POGLUT3: variants seen among roughly 807,000 people sequenced by gnomAD.
The protein encoded by POGLUT3 is protein O-glucosyltransferase 3.
Under a neutral mutation model 54.3 loss-of-function variants are expected in POGLUT3, and 48 were observed. The observed-to-expected ratio is 0.88, with a 90% CI of 0.70 to 1.12. The LOEUF is 1.12. Ranked by LOEUF, POGLUT3 falls within the 50% of genes most tolerant of loss-of-function variation. The pLI, the probability that POGLUT3 is intolerant of heterozygous loss-of-function variation, is 0.00. For synonymous variants in POGLUT3, 218 were observed against 237.4 expected, an observed-to-expected ratio of 0.92 and a Z score of 0.75; for missense variants, 629 against 618.7, an observed-to-expected ratio of 1.02 and a Z score of -0.18.
intron 7 of POGLUT3, among the ~76,000 whole-genome samples, chr11:108,475,590 C>T (rs2093580245): frequency 6.6e-6 from 1 of 151,150 alleles, no homozygotes; most frequent in East Asian, 2.0e-4. Context: ...ACCTCAGTCT[C>T]CTAAGTAGCT....
intron 3 of POGLUT3, among the ~76,000 whole-genome samples, chr11:108,484,334 C>G (rs1020039678): frequency 5.3e-5 from 8 of 152,160 alleles, no homozygotes; most frequent in Non-Finnish European, 1.0e-4. Flanking sequence ...ATGCCCATCA[C>G]ATGCTTGTAT....
In POGLUT3 at chr11:108,474,645, C is replaced by T. The variant is rs1263062605; in HGVS notation, c.*182G>A. The stretch of plus-strand genomic sequence containing the variant: ...TAAAAAATCTGAAGCCTGAAACACT[C>T]CTGGTCCTAAGCATTTCAGATGAGG... On this transcript the variant is annotated 3_prime_UTR_variant, in exon 8 of 8. Coordinates refer to ENST00000323468, the MANE Select transcript of POGLUT3 (RefSeq NM_153705.5). 6.0e-6 allele frequency: 3 copies of T among 503,224 alleles called. No homozygotes were observed. Among genetic ancestry groups the T allele is most frequent in the Non-Finnish European group, 6.8e-6 (2 of 296,238 alleles). The allele number at this position is 503,224 out of a possible 1,614,324, so 31.2% of individuals were successfully genotyped here.
chr11:108,479,190 TAA>T (rs2093587729), intron 6 of POGLUT3, 109 bp downstream of exon 6: 1 of 739,718 alleles, frequency 1.4e-6, no homozygotes, highest in East Asian at 3.2e-5. Context: ...TTTCAGAAAA[TAA>T]TATTTCTTTT....
chr11:108,487,347 T>C (rs190638748), intron 2 of POGLUT3, among the ~76,000 whole-genome samples: 54 of 152,210 alleles, frequency 3.5e-4, no homozygotes, highest in African/African-American at 1.3e-3. Context: ...TGAGCACAGG[T>C]TCTCAGGATG....
Position 108,477,632 on chromosome 11 carries a change from T to C in POGLUT3, c.1373A>G (p.Tyr458Cys), listed in dbSNP as rs1565745352. The C allele has an allele frequency of 6.2e-7, 1 of 1,612,192 alleles. No individual in the cohort carries two copies. Reference sequence around the variant, plus strand: ...CTGCAGTACTTGGTAATAGTAGCAGTAAAGCCTGTGTGGCTGTAGTAGGTC... The same window carrying C: ...CTGCAGTACTTGGTAATAGTAGCAGCAAAGCCTGTGTGGCTGTAGTAGGTC... ...ARDLLQPHRLYCYYYQVLQKY... is the reference protein window; with the variant it reads ...ARDLLQPHRLCCYYYQVLQKY... Residue 458 changes from tyrosine to cysteine, a missense_variant, in exon 7 of 8, where the codon TAC becomes TGC. Coordinates refer to ENST00000323468, the MANE Select transcript of POGLUT3 (RefSeq NM_153705.5).
At chr11:108,486,568 G>T in intron 2 of POGLUT3, 128 bp from the exon 3 acceptor site, 1 of 887,372 alleles carries the variant, frequency 1.1e-6, no homozygotes, top group Non-Finnish European at 1.7e-6. Flanking sequence ...AGACAAATCA[G>T]TGGTGTAAGT....
At chr11:108,481,459 T>A in intron 4 of POGLUT3, 83 bp from the exon 5 acceptor site, 2 of 1,093,680 alleles carry the variant, frequency 1.8e-6, no homozygotes, top group Non-Finnish European at 2.5e-6. Context: ...TAATCTACCA[T>A]TGTCATTTAA....
chr11:108,494,325 G>A (rs1448930614), intron 1 of POGLUT3, among the ~76,000 whole-genome samples: 1 of 152,146 alleles, frequency 6.6e-6, no homozygotes, highest in Non-Finnish European at 1.5e-5. Flanking sequence ...GACCCCACAC[G>A]GTCAAGGGAA....
At chr11:108,475,056 G>T in intron 7 of POGLUT3, 104 bp from the exon 8 acceptor site, 2 of 1,251,030 alleles carry the variant, frequency 1.6e-6, no homozygotes, top group Non-Finnish European at 2.3e-6. Context: ...TCTAGTTGCT[G>T]TGTGTCTGCA....
chr11:108,491,124 T>C lies in POGLUT3; in HGVS notation c.246A>G (p.Lys82=), dbSNP rs1332408799. 2.5e-6 allele frequency: 4 copies of C among 1,614,012 alleles called. No homozygotes were observed. In the African/African-American group the frequency reaches 5.3e-5, roughly 22 times the overall value. The part of the protein sequence containing the change: ...FKVVVKSLSP[K]ELVRIHVPKP... ...TAGGGACATGTATCCGGACCAACTC[T>C]TTAGGTGAAAGAGATTTGACTACGA... Residue 82 remains lysine, a synonymous_variant, in exon 2 of 8, where the codon AAA becomes AAG. Coordinates refer to ENST00000323468, the MANE Select transcript of POGLUT3 (RefSeq NM_153705.5).
Position 108,472,833 on chromosome 11 carries a change from T to C in POGLUT3, c.*1994A>G, listed in dbSNP as rs2093572223. ...CATTAGGTATGGGCTCAGGACAGCT[T>C]GCTCTTATTTAATACTTGCGTGCTT... On this transcript the variant is annotated 3_prime_UTR_variant, in exon 8 of 8. Coordinates refer to ENST00000323468, the MANE Select transcript of POGLUT3 (RefSeq NM_153705.5). 1 of 152,224 alleles carries C rather than the reference T, an allele frequency of 6.6e-6. No homozygotes were observed. The highest frequency in any genetic ancestry group is 6.5e-5 in the Admixed American group (1 of 15,272). 9.4% of individuals were successfully genotyped at this position (152,224 alleles called of 1,614,324 possible).
At chr11:108,487,446 G>C (rs1328617764) in intron 2 of POGLUT3, among the ~76,000 whole-genome samples, 1 of 152,194 alleles carries the variant, frequency 6.6e-6, no homozygotes, top group African/African-American at 2.4e-5. Flanking sequence ...ACAGCTTACT[G>C]CTTAAGGGAG....
chr11:108,491,341 C>A (rs978785393), intron 1 of POGLUT3, 174 bp from the exon 2 acceptor site: 2 of 602,146 alleles, frequency 3.3e-6, no homozygotes, highest in South Asian at 4.2e-5. Context: ...ATGTCTGGTT[C>A]ATGCATTCTT....
At chr11:108,494,254 A>G (rs1163287509) in intron 1 of POGLUT3, among the ~76,000 whole-genome samples, 1 of 152,210 alleles carries the variant, frequency 6.6e-6, no homozygotes, top group East Asian at 1.9e-4. Flanking sequence ...CAATGGAGTC[A>G]TCTCCTCCTC....
At chr11:108,495,472 T>G (rs897017274) in intron 1 of POGLUT3, among the ~76,000 whole-genome samples, 6 of 152,158 alleles carry the variant, frequency 3.9e-5, no homozygotes, top group Non-Finnish European at 8.8e-5. Context: ...AGCTATTCAG[T>G]TGGTTCTTGA....
intron 1 of POGLUT3, among the ~76,000 whole-genome samples, chr11:108,496,171 T>G (rs1295522972): frequency 6.6e-6 from 1 of 152,172 alleles, no homozygotes; most frequent in Non-Finnish European, 1.5e-5. Context: ...ATTTTTAAAA[T>G]GGGGATGGGC....
chr11:108,493,327 C>G (rs1233239824), intron 1 of POGLUT3, among the ~76,000 whole-genome samples: 1 of 152,068 alleles, frequency 6.6e-6, no homozygotes, highest in Non-Finnish European at 1.5e-5. Flanking sequence ...ATCTGTCATG[C>G]CTGTGTCATT....
At chr11:108,495,636 AG>A (rs1369274998) in intron 1 of POGLUT3, among the ~76,000 whole-genome samples, 10 of 152,284 alleles carry the variant, frequency 6.6e-5, no homozygotes, top group African/African-American at 2.4e-4. Context: ...AAGGAATGAA[AG>A]TAAGGTTGTC....
rs764143972 is a variant in POGLUT3, at chr11:108,479,445, T to G, written c.1149A>C (p.Pro383=). The G allele has an allele frequency of 6.2e-7, 1 of 1,611,798 alleles. No homozygotes were observed. Among genetic ancestry groups the G allele is most frequent in the South Asian group, 1.1e-5 (1 of 90,486 alleles). The change falls in exon 6 of 8, where the codon CCA becomes CCC. Residue 383 remains proline, a synonymous_variant. Coordinates refer to ENST00000323468, the MANE Select transcript of POGLUT3 (RefSeq NM_153705.5). The part of the protein sequence containing the change: ...VDGTVAAYRY[P]YLMLGDSLVL... The stretch of plus-strand genomic sequence containing the variant: ...CCAGACTGTCGCCCAGCATGAGATA[T>G]GGATATCTGTAAGCAGCCACGGTCC...
Sources: allele counts gnomAD v4.1 joint callset (sites outside exome capture counted in the v4.1 genomes callset), GRCh38; gene constraint gnomAD v4.1.1; transcripts MANE v1.5; gene names NCBI Gene and HGNC (gene_info 2026-07-23, HGNC 2026-07-21).